The following HMGA2 variants were observed in gnomAD, a reference collection of about 807,000 sequenced individuals.
HMGA2 encodes the protein high mobility group protein HMGI-C.
Under a neutral mutation model 19.1 loss-of-function variants are expected in HMGA2, and 8 were observed. The observed-to-expected ratio is 0.42, with a 90% CI of 0.25 to 0.76. The LOEUF (loss-of-function observed/expected upper bound fraction) is 0.76, where lower values mean the gene tolerates loss of function less well. Ranked by LOEUF, HMGA2 falls within the 30% of genes least tolerant of loss-of-function variation. HMGA2 has a pLI of 0.28. For missense variants in HMGA2, 109 were observed against 136.3 expected, an observed-to-expected ratio of 0.80 and a Z score of 1.00; for synonymous variants, 60 against 48.8, an observed-to-expected ratio of 1.23 and a Z score of -0.96.
chr12:65,963,342 G>T lies in HMGA2; in HGVS notation c.*50G>T. 3 of 1,474,392 alleles carry T rather than the reference G, an allele frequency of 2.0e-6. No homozygotes were observed. Among genetic ancestry groups the T allele is most frequent in the Non-Finnish European group, 9.3e-7 (1 of 1,079,630 alleles). 91.3% of individuals were successfully genotyped at this position (1,474,392 alleles called of 1,614,324 possible). On this transcript the variant is annotated 3_prime_UTR_variant, in exon 5 of 5. Coordinates refer to ENST00000403681, the MANE Select transcript of HMGA2 (RefSeq NM_003483.6). ...CTCAGCAGCAGTTGGATCTTTTGAA[G>T]GGAGAAGACACTGCAGTGACCACTT...
chr12:65,950,746 A>C (rs1277815048), intron 3 of HMGA2, among the ~76,000 whole-genome samples: 1 of 152,202 alleles, frequency 6.6e-6, no homozygotes, highest in Non-Finnish European at 1.5e-5. Flanking sequence ...AAAATAAAAT[A>C]TTAACAAATT....
chr12:65,965,374 G>A lies in HMGA2; in HGVS notation c.*2082G>A, dbSNP rs1876878927. 4.9e-6 allele frequency: 1 copy of A among 204,572 alleles called. No homozygotes were observed. The highest frequency in any genetic ancestry group is 2.3e-5 in the African/African-American group (1 of 43,738). The allele number at this position is 204,572 out of a possible 1,614,324, so 12.7% of individuals were successfully genotyped here. ...GCCTTTCTCTCCTAGTGAGTGTGCT[G>A]ACTTTTTAACATGGTATTATCAACT... On this transcript the variant is annotated 3_prime_UTR_variant, in exon 5 of 5. Coordinates refer to ENST00000403681, the MANE Select transcript of HMGA2 (RefSeq NM_003483.6).
intron 3 of HMGA2, among the ~76,000 whole-genome samples, chr12:65,921,163 T>C (rs1875293633): frequency 6.6e-6 from 1 of 152,226 alleles, no homozygotes; most frequent in African/African-American, 2.4e-5. Flanking sequence ...AACTTTGAAC[T>C]TGAGAGAGAT....
intron 3 of HMGA2, among the ~76,000 whole-genome samples, chr12:65,941,685 C>G (rs974966037): frequency 6.6e-6 from 1 of 152,174 alleles, no homozygotes; most frequent in African/African-American, 2.4e-5. Flanking sequence ...CATGATTCAG[C>G]TTTTTAAATT....
intron 3 of HMGA2, among the ~76,000 whole-genome samples, chr12:65,899,692 ATCT>A (rs1874293265): frequency 6.6e-6 from 1 of 152,204 alleles, no homozygotes; most frequent in African/African-American, 2.4e-5. Flanking sequence ...ACCCTTCAGG[ATCT>A]TATATTCTGA....
chr12:65,924,232 A>G (rs1875425406), intron 3 of HMGA2, among the ~76,000 whole-genome samples: 2 of 152,184 alleles, frequency 1.3e-5, no homozygotes, highest in Non-Finnish European at 2.9e-5. Context: ...GAACCAACTT[A>G]GAATATAAAA....
At chr12:65,896,781 C>T (rs1260225537) in intron 3 of HMGA2, among the ~76,000 whole-genome samples, 1 of 152,216 alleles carries the variant, frequency 6.6e-6, no homozygotes, top group East Asian at 1.9e-4. Context: ...TGGAAGAATA[C>T]TGCATGAAGA....
At chr12:65,929,347 T>C (rs138269195) in intron 3 of HMGA2, among the ~76,000 whole-genome samples, 80 of 152,190 alleles carry the variant, frequency 5.3e-4, no homozygotes, top group African/African-American at 1.9e-3. Flanking sequence ...ACCTTTCCTC[T>C]TTGAAGATAA....
chr12:65,920,363 C>A (rs970535642), intron 3 of HMGA2, among the ~76,000 whole-genome samples: 1 of 151,832 alleles, frequency 6.6e-6, no homozygotes, highest in East Asian at 1.9e-4. Flanking sequence ...ACATCAAGGG[C>A]CTACTAAAAT....
At chr12:65,862,993 C>T (rs907631490) in intron 3 of HMGA2, among the ~76,000 whole-genome samples, 1 of 152,238 alleles carries the variant, frequency 6.6e-6, no homozygotes, top group Non-Finnish European at 1.5e-5. Flanking sequence ...CCTTGCTCTA[C>T]CCACCCATGC....
At chr12:65,933,550 C>G (rs1430714837) in intron 3 of HMGA2, among the ~76,000 whole-genome samples, 1 of 152,068 alleles carries the variant, frequency 6.6e-6, no homozygotes, top group Non-Finnish European at 1.5e-5. Context: ...CAGAATGATG[C>G]ATTCAGTGAA....
chr12:65,910,987 C>A (rs781707378), intron 3 of HMGA2, among the ~76,000 whole-genome samples: 1 of 152,146 alleles, frequency 6.6e-6, no homozygotes, highest in Non-Finnish European at 1.5e-5. Context: ...TCTCTATTCA[C>A]CTTTATCCTT....
chr12:65,843,914 T>C (rs1343748719), intron 3 of HMGA2, among the ~76,000 whole-genome samples: 1 of 152,082 alleles, frequency 6.6e-6, no homozygotes, highest in African/African-American at 2.4e-5. Flanking sequence ...CTGAGTGTGG[T>C]GGCCCATGCC....
chr12:65,828,924 T>C (rs942683053), intron 2 of HMGA2: 17 of 152,180 alleles, frequency 1.1e-4, no homozygotes. Flanking sequence ...AATGCATGTA[T>C]AGAGAAGTAC....
At chr12:65,904,291 T>C (rs899792533) in intron 3 of HMGA2, among the ~76,000 whole-genome samples, 1 of 152,222 alleles carries the variant, frequency 6.6e-6, no homozygotes, top group African/African-American at 2.4e-5. Context: ...CCAGTCTACC[T>C]CTAGATTATA....
chr12:65,960,365 C>G (rs558431822), intron 4 of HMGA2, among the ~76,000 whole-genome samples: 1 of 152,324 alleles, frequency 6.6e-6, no homozygotes, highest in Admixed American at 6.5e-5. Flanking sequence ...CTGGCCGAAC[C>G]ATGACACTTA....
intron 3 of HMGA2, among the ~76,000 whole-genome samples, chr12:65,869,147 C>A (rs1408995768): frequency 1.3e-5 from 2 of 152,064 alleles, no homozygotes; most frequent in Non-Finnish European, 2.9e-5. Flanking sequence ...CTCATTGATT[C>A]CTTTTTTTGG....
chr12:65,827,981 T>G lies in HMGA2; in HGVS notation c.112-20T>G. ...CAGACATTCTTGCCACAACAGCATT[T>G]TTTTTTCCCTCACAATTAGGAACCA... is the stretch of plus-strand genomic sequence containing the variant. On this transcript the variant is annotated intron_variant, in intron 1 of 4. Transcript: ENST00000403681. The G allele has an allele frequency of 6.4e-7, 1 of 1,555,848 alleles. No individual in the cohort carries two copies. Among genetic ancestry groups the G allele is most frequent in the Non-Finnish European group, 8.9e-7 (1 of 1,126,992 alleles).
Position 65,957,091 on chromosome 12 carries a change from A to G in HMGA2, c.282+5676A>G, listed in dbSNP as rs537419421. 5.3e-5 allele frequency: 8 copies of G among 152,372 alleles called. No individual in the cohort carries two copies. In the East Asian group the frequency reaches 1.5e-3, roughly 29 times the overall value. The allele number at this position is 152,372 out of a possible 1,614,324, so 9.4% of individuals were successfully genotyped here. A position where few individuals can be genotyped will look rare whatever the true frequency, so the allele number is the denominator to read the frequency against. ...ATTTTTATAATCTTACTCAAAAGTC[A>G]TAACTCAGGATAATGAAAAATGTTT... On this transcript the variant is annotated intron_variant, in intron 4 of 4. Coordinates refer to ENST00000403681, the MANE Select transcript of HMGA2 (RefSeq NM_003483.6).
Sources: allele counts gnomAD v4.1 joint callset (sites outside exome capture counted in the v4.1 genomes callset), GRCh38; gene constraint gnomAD v4.1.1; transcripts MANE v1.5; gene names NCBI Gene and HGNC (gene_info 2026-07-23, HGNC 2026-07-21).